The following COL22A1 variants were observed in gnomAD, a reference collection of about 807,000 sequenced individuals.
COL22A1 encodes collagen type XXII alpha 1 chain.
COL22A1 carries 221 observed loss-of-function variants against 248.9 expected under a neutral mutation model. The observed-to-expected ratio is 0.89, with a 90% CI of 0.80 to 0.99. The LOEUF (loss-of-function observed/expected upper bound fraction) is 0.99. COL22A1 is among the 50% of genes least tolerant of loss of function. The pLI, the probability that COL22A1 is intolerant of heterozygous loss-of-function variation, is 0.00. For synonymous variants in COL22A1, 891 were observed against 793.4 expected, an observed-to-expected ratio of 1.12 and a Z score of -2.07; for missense variants, 2,240 against 2,179.0, an observed-to-expected ratio of 1.03 and a Z score of -0.56.
At chr8:138,887,554 C>T (rs1263047267) in intron 1 of COL22A1, among the ~76,000 whole-genome samples, 1 of 152,156 alleles carries the variant, frequency 6.6e-6, no homozygotes, top group African/African-American at 2.4e-5. Flanking sequence ...CAATGTCTGG[C>T]CTATTAAAAA....
intron 16 of COL22A1, among the ~76,000 whole-genome samples, chr8:138,767,835 G>A (rs1364684884): frequency 6.6e-6 from 1 of 152,208 alleles, no homozygotes; most frequent in Non-Finnish European, 1.5e-5. Context: ...CCGGCTGCCC[G>A]TGCCTGACCA....
At position 138,877,930 on chromosome 8, in the gene COL22A1, C is replaced by A. The variant is rs773723534; in HGVS notation, c.478G>T (p.Asp160Tyr). ...GCGCGGTGGGCTGCCGCCGCGGCGT[C>A]CAGCACCAGGTCCTGGCTGCGGCCG... ...TDGRSQDLVL[D>Y]AAAAAHRAGI... The change falls in exon 3 of 65, where the codon GAC becomes TAC. Residue 160 changes from aspartate to tyrosine, a missense_variant. Physicochemically the swap from Asp to Tyr is radical, Grantham distance 160 (BLOSUM62 -3). Coordinates refer to ENST00000303045, the MANE Select transcript of COL22A1 (RefSeq NM_152888.3). 16 of 1,605,802 alleles carry A rather than the reference C, an allele frequency of 1.0e-5. No individual in the cohort carries two copies. Among genetic ancestry groups the A allele is most frequent in the Middle Eastern group, 1.7e-4 (1 of 6,058 alleles).
chr8:138,840,560 C>T (rs181127810), intron 4 of COL22A1, among the ~76,000 whole-genome samples: 26 of 151,706 alleles, frequency 1.7e-4, no homozygotes, highest in African/African-American at 3.6e-4. Context: ...CACACACACG[C>T]GCTCCTGAAT....
intron 30 of COL22A1, among the ~76,000 whole-genome samples, chr8:138,713,061 A>AT (rs1287926211): frequency 2.0e-5 from 3 of 152,216 alleles, no homozygotes; most frequent in African/African-American, 7.2e-5. Context: ...GAAAGCACGT[A>AT]TTTTAGAGCC....
At chr8:138,664,665 C>T (rs1286911568) in intron 41 of COL22A1, among the ~76,000 whole-genome samples, 2 of 152,148 alleles carry the variant, frequency 1.3e-5, no homozygotes, top group African/African-American at 4.8e-5. Flanking sequence ...ACTGAATGCT[C>T]CCATGAGGTG....
intron 48 of COL22A1, among the ~76,000 whole-genome samples, chr8:138,636,532 A>AAAGGCAAGGCAAGGCAAGGC (rs770478860): frequency 1.6e-4 from 13 of 82,340 alleles, no homozygotes; most frequent in South Asian, 9.6e-4. Flanking sequence ...AAAGGAAAGG[A>AAAGGCAAGGCAAGGCAAGGC]AAGGCAGGGA....
At chr8:138,808,599 G>A (rs16893541) in intron 9 of COL22A1, among the ~76,000 whole-genome samples, 1 of 151,924 alleles carries the variant, frequency 6.6e-6, no homozygotes, top group Non-Finnish European at 1.5e-5. Context: ...GTACGTGTTC[G>A]ATACATGTAA....
At chr8:138,685,398 G>A (rs1278524067) in intron 37 of COL22A1, 86 bp from the exon 38 acceptor site, 13 of 1,035,184 alleles carry the variant, frequency 1.3e-5, no homozygotes, top group East Asian at 7.6e-5. Flanking sequence ...TAGGTTTGTA[G>A]GTTTCCTGGG....
In COL22A1 at chr8:138,663,016, T is replaced by TCA. The variant is rs6150848; in HGVS notation, c.3186+687_3186+688dup. On this transcript the variant is annotated intron_variant, in intron 42 of 64. Coordinates refer to ENST00000303045, the MANE Select transcript of COL22A1 (RefSeq NM_152888.3). ...GGTTGACAGAGCAGGACTCTGTCAC[T>TCA]CACACACACACACACACACAAAGCA... is the stretch of plus-strand genomic sequence containing the variant. Among the ~76,000 whole-genome samples the TCA allele has an allele frequency of 2.1e-3, 312 of 148,686 alleles. 4 individuals are homozygous for TCA. Among genetic ancestry groups the TCA allele is most frequent in the African/African-American group, 6.8e-3 (276 of 40,540 alleles).
chr8:138,629,937 T>C (rs1210776098), intron 50 of COL22A1, among the ~76,000 whole-genome samples: 2 of 152,132 alleles, frequency 1.3e-5, no homozygotes, highest in Admixed American at 6.5e-5. Flanking sequence ...ACTTCTCCAA[T>C]CCCCACTTTC....
In COL22A1 at chr8:138,878,002, G is replaced by A. The variant is rs771592357; in HGVS notation, c.406C>T (p.Arg136Cys). The A allele has an allele frequency of 5.1e-6, 8 of 1,581,798 alleles. No homozygotes were observed. The highest frequency in any genetic ancestry group is 2.3e-5 in the East Asian group (1 of 43,060). Residue 136 changes from arginine to cysteine, a missense_variant, in exon 3 of 65, where the codon CGC becomes TGC. By Grantham distance (180) the Arg-to-Cys change is radical (BLOSUM62 -3). Transcript: ENST00000303045. ...ARSFSPHAGGRPRDRAYKQVA... is the reference protein window; with the variant it reads ...ARSFSPHAGGCPRDRAYKQVA... The stretch of plus-strand genomic sequence containing the variant: ...TGCTTGTAGGCGCGGTCCCTGGGGC[G>A]GCCGCCGGCGTGTGGGGAGAAGCTG...
Position 138,881,614 on chromosome 8 carries a change from G to A in COL22A1, c.91+1468C>T, listed in dbSNP as rs1036347055. Among the ~76,000 whole-genome samples the A allele has an allele frequency of 7.9e-5, 12 of 152,362 alleles. No homozygotes were observed. In the East Asian group the frequency reaches 9.7e-4, roughly 12 times the overall value. ...GCAGGAGAATGGCGTGAACCCGGGA[G>A]GCGGAGCTTGCAGTGAGCCGAGATC... On this transcript the variant is annotated intron_variant, in intron 2 of 64. Transcript: ENST00000303045.
Position 138,809,528 on chromosome 8 carries a change from C to CTTTTTCTTTTTTTTTTTTT in COL22A1, c.1450-1717_1450-1716insAAAAAAAAAAAAAGAAAAA, listed in dbSNP as rs1554633655. 6.8e-5 allele frequency among the ~76,000 whole-genome samples: 8 copies of CTTTTTCTTTTTTTTTTTTT among 117,672 alleles called. 1 individual carries two copies. Among genetic ancestry groups the CTTTTTCTTTTTTTTTTTTT allele is most frequent in the South Asian group, 3.0e-4 (1 of 3,300 alleles). 77.2% of individuals were successfully genotyped at this position (117,672 alleles called of 152,430 possible). A position where few individuals can be genotyped will look rare whatever the true frequency, so the allele number is the denominator to read the frequency against. ...TTTCTTCTTCTCTTTTTTTCTTTTT[C>CTTTTTCTTTTTTTTTTTTT]TTTTTTTTTTGAGACAGAGTCTCAC... On this transcript the variant is annotated intron_variant, in intron 9 of 64. Coordinates refer to ENST00000303045, the MANE Select transcript of COL22A1 (RefSeq NM_152888.3).
chr8:138,593,344 C>T (rs1817242463), intron 63 of COL22A1, among the ~76,000 whole-genome samples: 1 of 152,058 alleles, frequency 6.6e-6, no homozygotes, highest in Non-Finnish European at 1.5e-5. Context: ...TGTATCAAAC[C>T]TGCACGTTCA....
At chr8:138,855,656 C>T (rs1473481966) in intron 3 of COL22A1, among the ~76,000 whole-genome samples, 1 of 152,224 alleles carries the variant, frequency 6.6e-6, no homozygotes, top group Non-Finnish European at 1.5e-5. Flanking sequence ...TTCCCACCTT[C>T]TGAGGAGGCC....
chr8:138,606,702 G>C (rs1818453729), intron 57 of COL22A1, among the ~76,000 whole-genome samples: 1 of 152,136 alleles, frequency 6.6e-6, no homozygotes, highest in Non-Finnish European at 1.5e-5. Flanking sequence ...TTGAAGCAAC[G>C]AAAACAAACT....
chr8:138,667,731 T>C (rs1313558142), intron 41 of COL22A1, among the ~76,000 whole-genome samples: 2 of 152,134 alleles, frequency 1.3e-5, no homozygotes, highest in African/African-American at 2.4e-5. Context: ...TGAATAGAAC[T>C]AGAACAGCGC....
At position 138,720,784 on chromosome 8, in the gene COL22A1, T is replaced by C. The variant is rs1187788456; in HGVS notation, c.2310A>G (p.Pro770=). Residue 770 remains proline, a synonymous_variant, in exon 27 of 65, where the codon CCA becomes CCG. Coordinates refer to ENST00000303045, the MANE Select transcript of COL22A1 (RefSeq NM_152888.3). ...PPGPPGTKGE[P]GERGEDGLPG... ...GCAGACCATCTTCCCCTCTTTCTCC[T>C]GGTTCTCCCTGGAAGGAATACAGAG... 6.2e-7 allele frequency: 1 copy of C among 1,613,510 alleles called. No individual in the cohort carries two copies. The highest frequency in any genetic ancestry group is 8.5e-7 in the Non-Finnish European group (1 of 1,179,398).
At chr8:138,589,560 C>T (rs751308685) in intron 64 of COL22A1, 120 bp from the exon 65 acceptor site, 15 of 779,010 alleles carry the variant, frequency 1.9e-5, no homozygotes, top group Non-Finnish European at 2.9e-5. Context: ...TCAGACAGAG[C>T]ATCCCCATGG....
Sources: gnomAD v4.1 joint callset for allele counts (sites outside exome capture counted in the v4.1 genomes callset) on GRCh38, gnomAD v4.1.1 for gene constraint, MANE v1.5 for transcripts, NCBI Gene and HGNC (gene_info 2026-07-23, HGNC 2026-07-21) for gene names.